Variants in CNBD2 observed in about 807,000 individuals in gnomAD.
The protein encoded by CNBD2 is cyclic nucleotide-binding domain-containing protein 2.
Under a neutral mutation model 63.7 loss-of-function variants are expected in CNBD2, and 64 were observed. The ratio of observed to expected loss-of-function variants is 1.00; its 90% CI spans 0.82 to 1.24. The LOEUF is 1.24. Ranked by LOEUF, CNBD2 falls within the 50% of genes most tolerant of loss-of-function variation. The pLI is 0.00. For missense variants in CNBD2, 691 were observed against 713.5 expected, an observed-to-expected ratio of 0.97 and a Z score of 0.36; for synonymous variants, 229 against 255.4, an observed-to-expected ratio of 0.90 and a Z score of 0.99.
upstream of CNBD2, among the ~76,000 whole-genome samples, chr20:35,966,202 CT>C (rs2056343832): frequency 2.6e-5 from 4 of 152,184 alleles, no homozygotes; most frequent in South Asian, 8.3e-4. Flanking sequence ...CTCTGTCTCT[CT>C]TTCTAAAACT....
intron 10 of CNBD2, among the ~76,000 whole-genome samples, chr20:36,023,323 G>A (rs1349746370): frequency 3.9e-5 from 6 of 151,980 alleles, no homozygotes; most frequent in African/African-American, 9.7e-5. Context: ...TCAGGAGTTC[G>A]AGACCAGCCT....
intron 7 of CNBD2, among the ~76,000 whole-genome samples, chr20:35,989,212 G>C (rs73902952): frequency 2.0e-5 from 3 of 152,200 alleles, no homozygotes; most frequent in Admixed American, 2.0e-4. Flanking sequence ...CTCTCTGACT[G>C]CAAAGATATT....
chr20:36,019,681 T>C (rs1229699050), intron 10 of CNBD2, among the ~76,000 whole-genome samples: 1 of 151,914 alleles, frequency 6.6e-6, no homozygotes, highest in East Asian at 1.9e-4. Flanking sequence ...TGGAACAGAC[T>C]AAGCAAGGCA....
At chr20:35,980,421 G>A (rs1396968613) in intron 3 of CNBD2, 38 bp from the exon 4 acceptor site, 1 of 1,607,538 alleles carries the variant, frequency 6.2e-7, no homozygotes, top group East Asian at 2.2e-5. Flanking sequence ...GGGTGAAATT[G>A]CTGGGTCCCC....
At chr20:35,985,487 C>T (rs2056655260) in intron 6 of CNBD2, among the ~76,000 whole-genome samples, 1 of 134,186 alleles carries the variant, frequency 7.5e-6, no homozygotes, top group Non-Finnish European at 1.6e-5. Flanking sequence ...ACTATAATTC[C>T]TTTTTTTTTT....
chr20:35,992,066 A>G (rs2056753851), intron 7 of CNBD2, among the ~76,000 whole-genome samples: 1 of 152,106 alleles, frequency 6.6e-6, no homozygotes, highest in Admixed American at 6.6e-5. Flanking sequence ...TTTTTAGTAG[A>G]GATGGGATTT....
At chr20:35,995,588 G>C (rs934924963) in intron 8 of CNBD2, among the ~76,000 whole-genome samples, 1 of 152,168 alleles carries the variant, frequency 6.6e-6, no homozygotes, top group African/African-American at 2.4e-5. Flanking sequence ...TGTTGTAGCA[G>C]ATATCATTTC....
upstream of CNBD2, among the ~76,000 whole-genome samples, chr20:35,967,544 TA>T (rs563739384): frequency 0.039 from 4,638 of 119,950 alleles, 240 homozygotes; most frequent in African/African-American, 0.13. Flanking sequence ...ACTGCTTTCT[TA>T]AAAAAAAAAA....
chr20:35,984,899 G>T (rs1023114701), intron 6 of CNBD2, 121 bp downstream of exon 6: 3 of 1,015,878 alleles, frequency 3.0e-6, no homozygotes. Context: ...GGGATGCTCT[G>T]AAGTCCCACC....
At chr20:35,974,305 C>T (rs1050586739) in intron 2 of CNBD2, 1 of 153,730 alleles carries the variant, frequency 6.5e-6, no homozygotes, top group African/African-American at 2.4e-5. Context: ...GGTTAGCTCT[C>T]AGGAAGGACC....
chr20:35,962,257 C>CTTT (rs917656604), intron 2 of CNBD2, among the ~76,000 whole-genome samples: 52 of 131,530 alleles, frequency 4.0e-4, no homozygotes, highest in Middle Eastern at 3.8e-3. Context: ...TCCCTGCAGT[C>CTTT]TTTTTTTTTT....
chr20:35,956,537 G>A (rs887212462), downstream of CNBD2, among the ~76,000 whole-genome samples: 1 of 152,184 alleles, frequency 6.6e-6, no homozygotes, highest in African/African-American at 2.4e-5. Context: ...GTTGCTCTCA[G>A]GTTGTTGCTT....
intron 1 of CNBD2, among the ~76,000 whole-genome samples, chr20:35,969,261 C>T (rs1264276814): frequency 6.6e-6 from 1 of 152,192 alleles, no homozygotes; most frequent in Admixed American, 6.5e-5. Context: ...GTACCTACTG[C>T]ATAAATTTAC....
chr20:35,983,906 A>G (rs1204804690), intron 4 of CNBD2, 76 bp from the exon 5 acceptor site: 20 of 1,554,844 alleles, frequency 1.3e-5, no homozygotes, highest in Non-Finnish European at 1.7e-5. Flanking sequence ...AAAGAGCACA[A>G]CCAGTCCAGA....
At position 35,987,425 on chromosome 20, in the gene CNBD2, T is replaced by A. The variant is rs776428721; in HGVS notation, c.747T>A (p.Asp249Glu). 5 of 1,614,186 alleles carry A rather than the reference T, an allele frequency of 3.1e-6. No individual in the cohort carries two copies. In the South Asian group the frequency reaches 5.5e-5, roughly 18 times the overall value. The change falls in exon 7 of 12, where the codon GAT becomes GAA. Residue 249 changes from aspartate to glutamate, a missense_variant. Physicochemically the swap from Asp to Glu is conservative, Grantham distance 45 (BLOSUM62 2). Coordinates refer to ENST00000373973, the MANE Select transcript of CNBD2 (RefSeq NM_001365709.1). ...TGGAGCTGTTTGCATCATGGTCTGA[T>A]GAGAAGCTCTGGCAGCTGGTAGCCA... ...RKMELFASWS[D>E]EKLWQLVAMA... is the part of the protein sequence containing the mutation.
At chr20:36,002,333 C>G (rs1008399988) in intron 8 of CNBD2, among the ~76,000 whole-genome samples, 2 of 152,196 alleles carry the variant, frequency 1.3e-5, no homozygotes, top group Admixed American at 1.3e-4. Context: ...TTGCAGTGAG[C>G]CGAGATGGCA....
chr20:36,023,859 A>G, intron 11 of CNBD2, 88 bp downstream of exon 11: 1 of 1,178,770 alleles, frequency 8.5e-7, no homozygotes, highest in Non-Finnish European at 1.2e-6. Context: ...AAAATATAAT[A>G]CCTGTTGCTG....
intron 8 of CNBD2, among the ~76,000 whole-genome samples, chr20:35,998,222 G>A (rs922932129): frequency 4.6e-5 from 7 of 151,560 alleles, no homozygotes; most frequent in Non-Finnish European, 7.4e-5. Flanking sequence ...TTGTATTTTA[G>A]TAGAGATGGG....
intron 6 of CNBD2, among the ~76,000 whole-genome samples, chr20:35,986,019 C>A (rs1224358220): frequency 6.6e-6 from 1 of 152,148 alleles, no homozygotes; most frequent in East Asian, 1.9e-4. Context: ...AGCACCGTAA[C>A]TGGGTATCAT....
Sources: allele counts gnomAD v4.1 joint callset (sites outside exome capture counted in the v4.1 genomes callset), GRCh38; gene constraint gnomAD v4.1.1; transcripts MANE v1.5; gene names NCBI Gene and HGNC (gene_info 2026-07-23, HGNC 2026-07-21).